The following TMEM62 variants were observed in gnomAD, a reference collection of about 807,000 sequenced individuals.
TMEM62 encodes transmembrane protein 62.
Under a neutral mutation model 70.4 loss-of-function variants are expected in TMEM62, and 41 were observed. The ratio of observed to expected loss-of-function variants is 0.58; its 90% CI spans 0.45 to 0.76. The LOEUF is 0.76. TMEM62 is among the 30% of genes least tolerant of loss of function. The pLI is 0.00. For synonymous variants in TMEM62, 268 were observed against 291.0 expected (o/e 0.92, Z 0.80); for missense variants, 688 against 788.5 (o/e 0.87, Z 1.53).
chr15:43,181,605 G>A (rs1320802233), intron 13 of TMEM62, among the ~76,000 whole-genome samples: 5 of 152,160 alleles, frequency 3.3e-5, no homozygotes, highest in Admixed American at 6.5e-5. Flanking sequence ...GGGTTCCAGC[G>A]ATTTTCCTGC....
intron 3 of TMEM62, chr15:43,135,858 T>G: frequency 2.2e-6 from 1 of 456,932 alleles, no homozygotes; most frequent in Non-Finnish European, 3.7e-6. Context: ...GTCCTTTTTT[T>G]GTGACATATG....
chr15:43,134,513 A>T, intron 2 of TMEM62, 145 bp downstream of exon 2: 1 of 631,162 alleles, frequency 1.6e-6, no homozygotes, highest in South Asian at 1.9e-5. Context: ...GAGATTGGAC[A>T]TTCTAACCCC....
In TMEM62 at chr15:43,148,876, TG is replaced by T. The variant is rs746381509; in HGVS notation, c.741del (p.Met247IlefsTer5). The T allele has an allele frequency of 1.9e-6, 3 of 1,612,312 alleles. No homozygotes were observed. In the East Asian group the frequency reaches 6.7e-5, roughly 36 times the overall value. ...LSPSPGIRSI[M>X]SSAIAYLCGH... ...CCATCACCAGGAATCCGGTCAATAA[TG>T]AGGTGAGACAAGCTTCCAAAATCAG... On this transcript the variant is annotated frameshift_variant and splice_region_variant, in exon 6 of 14. Coordinates refer to ENST00000260403, the MANE Select transcript of TMEM62 (RefSeq NM_024956.4). LOFTEE classifies it high-confidence loss of function.
intron 10 of TMEM62, among the ~76,000 whole-genome samples, chr15:43,161,596 T>G (rs2141846911): frequency 6.6e-6 from 1 of 152,336 alleles, no homozygotes; most frequent in East Asian, 1.9e-4. Context: ...TTTTTCTCTC[T>G]TATATACACA....
chr15:43,184,542 T>A lies in TMEM62; in HGVS notation c.1888T>A (p.Phe630Ile). 8 of 1,612,526 alleles carry A rather than the reference T, an allele frequency of 5.0e-6. No individual in the cohort carries two copies. Among genetic ancestry groups the A allele is most frequent in the Non-Finnish European group, 6.8e-6 (8 of 1,180,006 alleles). ...TGTGTGGACACTGAACTCCACCAAG[T>A]TTGGAATCTTCATGGTGCAGTTAAA... ...RYVWTLNSTK[F>I]GIFMVQLKSH... The change falls in exon 14 of 14, where the codon TTT becomes ATT. Residue 630 changes from phenylalanine to isoleucine, a missense_variant. By Grantham distance (21) the Phe-to-Ile change is conservative (BLOSUM62 0). Transcript: ENST00000260403.
intron 4 of TMEM62, among the ~76,000 whole-genome samples, chr15:43,145,660 A>G (rs1596232837): frequency 6.6e-6 from 1 of 152,206 alleles, no homozygotes; most frequent in Non-Finnish European, 1.5e-5. Flanking sequence ...GTGGCCCACT[A>G]GCATATTAAA....
chr15:43,180,119 A>G (rs569386890), intron 12 of TMEM62, among the ~76,000 whole-genome samples: 1 of 152,190 alleles, frequency 6.6e-6, no homozygotes, highest in African/African-American at 2.4e-5. Context: ...CCAGCAAATG[A>G]TGGTATTTGC....
At chr15:43,176,733 GA>G (rs1183821196) in intron 11 of TMEM62, among the ~76,000 whole-genome samples, 11 of 151,846 alleles carry the variant, frequency 7.2e-5, no homozygotes, top group African/African-American at 2.4e-4. Context: ...CAAAGATGGG[GA>G]AAAAAACAGA....
rs1485031027 is a variant in TMEM62 at position 43,151,953 on chromosome 15, G to A, written c.1022+8G>A. ...TCACTCAACACACATCAGGTATGTA[G>A]CAATTTTTTAGAATTTACTTTCAGT... On this transcript the variant is annotated splice_region_variant and intron_variant, in intron 8 of 13. Transcript: ENST00000260403. 4 of 1,583,228 alleles carry A rather than the reference G, an allele frequency of 2.5e-6. No individual in the cohort carries two copies. Among genetic ancestry groups the A allele is most frequent in the African/African-American group, 1.4e-5 (1 of 73,322 alleles).
intron 3 of TMEM62, among the ~76,000 whole-genome samples, chr15:43,138,210 T>C (rs1182169306): frequency 6.6e-6 from 1 of 152,172 alleles, no homozygotes; most frequent in African/African-American, 2.4e-5. Context: ...ATACTGGTTC[T>C]AGGAGAGGCT....
At chr15:43,162,237 A>C (rs1035237032) in intron 10 of TMEM62, among the ~76,000 whole-genome samples, 5 of 151,498 alleles carry the variant, frequency 3.3e-5, no homozygotes, top group African/African-American at 4.9e-5. Context: ...TCCTGGATTC[A>C]AGTGATTCTC....
At position 43,172,905 on chromosome 15, in the gene TMEM62, T is replaced by G. The variant is rs116003612; in HGVS notation, c.1381+3228T>G. 8.7e-3 allele frequency among the ~76,000 whole-genome samples: 1,332 copies of G among 152,288 alleles called. 16 individuals carry two copies. Among genetic ancestry groups the G allele is most frequent in the African/African-American group, 0.031 (1,285 of 41,548 alleles). On this transcript the variant is annotated intron_variant, in intron 11 of 13. Coordinates refer to ENST00000260403, the MANE Select transcript of TMEM62 (RefSeq NM_024956.4). Reference sequence around the variant, plus strand: ...CTAGTCATTTTTCAGTAAGCATCAGTCTTCACTCCTAATGGCAACATATTA... The same window carrying G: ...CTAGTCATTTTTCAGTAAGCATCAGGCTTCACTCCTAATGGCAACATATTA...
At position 43,133,641 on chromosome 15, in the gene TMEM62, C is replaced by T; in HGVS notation, c.-162C>T. The T allele has an allele frequency of 2.1e-6, 1 of 468,518 alleles. No homozygotes were observed. The highest frequency in any genetic ancestry group is 3.4e-6 in the Non-Finnish European group (1 of 291,738). The allele number at this position is 468,518 out of a possible 1,614,324, so 29.0% of individuals were successfully genotyped here. ...GGCGGCGGCTGACGGGCGCAGCACC[C>T]TAGGCCCAGTGTCTGGCTCCAGCCC... On this transcript the variant is annotated 5_prime_UTR_variant, in exon 1 of 14. Coordinates refer to ENST00000260403, the MANE Select transcript of TMEM62 (RefSeq NM_024956.4).
rs1315254693 is a variant in TMEM62, at chr15:43,133,673, C to T, written c.-130C>T. Reference sequence around the variant, plus strand: ...CAGTGTCTGGCTCCAGCCCCGCATCCGGCGCCGGCCCCGCATCCAGCTCTG... The same window carrying T: ...CAGTGTCTGGCTCCAGCCCCGCATCTGGCGCCGGCCCCGCATCCAGCTCTG... On this transcript the variant is annotated 5_prime_UTR_variant, in exon 1 of 14. Coordinates refer to ENST00000260403, the MANE Select transcript of TMEM62 (RefSeq NM_024956.4). 5.1e-5 allele frequency: 33 copies of T among 646,094 alleles called. No individual in the cohort carries two copies. Among genetic ancestry groups the T allele is most frequent in the Non-Finnish European group, 7.1e-5 (32 of 452,684 alleles). The allele number at this position is 646,094 out of a possible 1,614,324, so 40.0% of individuals were successfully genotyped here. A position where few individuals can be genotyped will look rare whatever the true frequency, so the allele number is the denominator to read the frequency against.
At chr15:43,163,102 G>A (rs1421296630) in intron 10 of TMEM62, among the ~76,000 whole-genome samples, 1 of 151,092 alleles carries the variant, frequency 6.6e-6, no homozygotes, top group Non-Finnish European at 1.5e-5. Flanking sequence ...AATATACACT[G>A]TTAAATTGTC....
At chr15:43,153,658 T>TTGTG (rs71431882) in intron 8 of TMEM62, among the ~76,000 whole-genome samples, 157 of 149,800 alleles carry the variant, frequency 1.0e-3, no homozygotes, top group African/African-American at 3.6e-3. Flanking sequence ...CCATTGTACA[T>TTGTG]TGTGTGTGTG....
rs750170758 is a variant in TMEM62 at position 43,151,782 on chromosome 15, G to A, written c.867-8G>A. On this transcript the variant is annotated splice_region_variant and splice_polypyrimidine_tract_variant and intron_variant, in intron 7 of 13. Transcript: ENST00000260403. ...GACTAAATTACCTTATCATTATCTG[G>A]TCTTTAGGTACCGGATTTTTGCTTT... is the stretch of plus-strand genomic sequence containing the variant. 2.5e-6 allele frequency: 4 copies of A among 1,612,188 alleles called. No homozygotes were observed. Among genetic ancestry groups the A allele is most frequent in the Non-Finnish European group, 3.4e-6 (4 of 1,179,104 alleles).
intron 3 of TMEM62, among the ~76,000 whole-genome samples, chr15:43,138,358 C>T (rs1391873660): frequency 6.6e-6 from 1 of 152,112 alleles, no homozygotes; most frequent in East Asian, 1.9e-4. Flanking sequence ...GGGAAGCAAA[C>T]TGAAACCCAT....
intron 5 of TMEM62, among the ~76,000 whole-genome samples, chr15:43,147,420 C>T (rs906890050): frequency 6.6e-6 from 1 of 152,176 alleles, no homozygotes; most frequent in African/African-American, 2.4e-5. Context: ...AATGCCAACT[C>T]ATTATTTAAT....
Sources: gnomAD v4.1 joint callset for allele counts (sites outside exome capture counted in the v4.1 genomes callset) on GRCh38, gnomAD v4.1.1 for gene constraint, MANE v1.5 for transcripts, NCBI Gene and HGNC (gene_info 2026-07-23, HGNC 2026-07-21) for gene names.